CACNB2: variants seen among roughly 807,000 people sequenced by gnomAD.
CACNB2 encodes the protein calcium voltage-gated channel auxiliary subunit beta 2, also known as voltage-dependent L-type calcium channel subunit beta-2.
Under a neutral mutation model 73.3 loss-of-function variants are expected in CACNB2, and 42 were observed. That is an observed-to-expected ratio of 0.57 (90% CI 0.45 to 0.74). The LOEUF (loss-of-function observed/expected upper bound fraction) is 0.74, where lower values mean the gene tolerates loss of function less well. Among genes scored for constraint, CACNB2 ranks in the 30% least tolerant of loss-of-function variants. The pLI is 0.00. For missense variants in CACNB2, 940 were observed against 853.0 expected (o/e 1.10, Z -1.27); for synonymous variants, 348 against 310.3 (o/e 1.12, Z -1.28).
rs115541284 is a variant in CACNB2 at position 18,302,485 on chromosome 10, C to A, written c.214-99439C>A. Among the ~76,000 whole-genome samples the A allele has an allele frequency of 2.3e-3, 346 of 152,120 alleles. 3 individuals carry two copies. The highest frequency in any genetic ancestry group is 8.0e-3 in the African/African-American group (333 of 41,500). On this transcript the variant is annotated intron_variant, in intron 2 of 13. Transcript: ENST00000324631. ...TAAACGAGTGGATAGAGAAACTGTG[C>A]GATATGTACGCAATGGAATACTACT...
chr10:18,426,418 T>C (rs1271119370), intron 3 of CACNB2, among the ~76,000 whole-genome samples: 1 of 152,246 alleles, frequency 6.6e-6, no homozygotes, highest in Admixed American at 6.5e-5. Context: ...AGAAATTCAG[T>C]TGATTTTGTC....
chr10:18,488,242 G>A (rs1227121114), intron 3 of CACNB2, among the ~76,000 whole-genome samples: 1 of 151,282 alleles, frequency 6.6e-6, no homozygotes, highest in Admixed American at 6.6e-5. Flanking sequence ...TTGGGAGGCC[G>A]AGGTGGGCGG....
rs1554791260 is a variant in CACNB2 at position 18,315,528 on chromosome 10, A to AC, written c.214-86395dup. Among the ~76,000 whole-genome samples, 699 of 90,192 alleles carry AC rather than the reference A, an allele frequency of 7.8e-3. 40 individuals are homozygous for AC. Among genetic ancestry groups the AC allele is most frequent in the Admixed American group, 0.045 (322 of 7,118 alleles). 59.2% of individuals were successfully genotyped at this position (90,192 alleles called of 152,430 possible). A position where few individuals can be genotyped will look rare whatever the true frequency, so the allele number is the denominator to read the frequency against. On this transcript the variant is annotated intron_variant, in intron 2 of 13. Transcript: ENST00000324631. ...AAAAAAAAAAAAAAAAAAAAAAAAAACTTTTTTTTTTTTTAATTAGCCAGA... is the reference window on the plus strand; with the variant it reads ...AAAAAAAAAAAAAAAAAAAAAAAAAACCTTTTTTTTTTTTTAATTAGCCAGA...
chr10:18,207,171 A>G (rs2035129755), intron 2 of CACNB2, among the ~76,000 whole-genome samples: 1 of 151,978 alleles, frequency 6.6e-6, no homozygotes, highest in Non-Finnish European at 1.5e-5. Flanking sequence ...ACCACACCTG[A>G]CTAATTTTTG....
chr10:18,419,326 A>C (rs2045189205), intron 3 of CACNB2, among the ~76,000 whole-genome samples: 1 of 142,510 alleles, frequency 7.0e-6, no homozygotes, highest in Non-Finnish European at 1.5e-5. Context: ...GCATACTTGC[A>C]TGGATCCCTG....
rs1200303743 is a variant in CACNB2, at chr10:18,527,559, AG to A, written c.945-27del. 2.1e-6 allele frequency: 3 copies of A among 1,438,096 alleles called. No homozygotes were observed. The African/African-American group carries it at 4.2e-5, about 20-fold the overall frequency. The allele number at this position is 1,438,096 out of a possible 1,614,324, so 89.1% of individuals were successfully genotyped here. A position where few individuals can be genotyped will look rare whatever the true frequency, so the allele number is the denominator to read the frequency against. On this transcript the variant is annotated intron_variant, in intron 9 of 13. Transcript: ENST00000324631. ...CCCTTTGATTAGACCAATAACCTTAAGGTCTTCTGTGACTTTTTCCTCCAAC... is the reference window on the plus strand; with the variant it reads ...CCCTTTGATTAGACCAATAACCTTAAGTCTTCTGTGACTTTTTCCTCCAAC...
intron 2 of CACNB2, among the ~76,000 whole-genome samples, chr10:18,360,226 G>A (rs1009981981): frequency 3.3e-5 from 5 of 152,164 alleles, no homozygotes; most frequent in Non-Finnish European, 4.4e-5. Flanking sequence ...AAAGAGTTCA[G>A]TTTAGGTTTA....
At chr10:18,513,928 AC>A (rs2051022273) in intron 6 of CACNB2, among the ~76,000 whole-genome samples, 1 of 152,388 alleles carries the variant, frequency 6.6e-6, no homozygotes, top group African/African-American at 2.4e-5. Context: ...TACAGTTGAT[AC>A]AGAGAAAATC....
At chr10:18,161,260 T>C (rs1456714572) in intron 2 of CACNB2, among the ~76,000 whole-genome samples, 1 of 152,204 alleles carries the variant, frequency 6.6e-6, no homozygotes, top group African/African-American at 2.4e-5. Flanking sequence ...TTCTAGAAAA[T>C]TATTTTGGCT....
chr10:18,185,786 C>T (rs564804704), intron 2 of CACNB2, among the ~76,000 whole-genome samples: 1 of 151,982 alleles, frequency 6.6e-6, no homozygotes, highest in Non-Finnish European at 1.5e-5. Flanking sequence ...AATATTTATT[C>T]TGTGCCTACC....
intron 2 of CACNB2, among the ~76,000 whole-genome samples, chr10:18,221,845 A>G (rs575899167): frequency 2.6e-5 from 4 of 152,328 alleles, no homozygotes; most frequent in Non-Finnish European, 5.9e-5. Flanking sequence ...AGAATTTTGG[A>G]AGGCATTTTG....
intron 11 of CACNB2, among the ~76,000 whole-genome samples, chr10:18,535,687 G>T (rs955775010): frequency 2.8e-4 from 43 of 151,870 alleles, no homozygotes; most frequent in African/African-American, 9.0e-4. Context: ...GCAGGAGAAT[G>T]GTGTGAACCT....
At chr10:18,328,518 C>T (rs1043879160) in intron 2 of CACNB2, among the ~76,000 whole-genome samples, 1 of 152,176 alleles carries the variant, frequency 6.6e-6, no homozygotes, top group African/African-American at 2.4e-5. Context: ...CACTATTATA[C>T]TTAAGTATAA....
intron 3 of CACNB2, among the ~76,000 whole-genome samples, chr10:18,495,366 T>C (rs147301321): frequency 0.048 from 7,226 of 151,914 alleles, 289 homozygotes; most frequent in African/African-American, 0.11. Context: ...ATTACAGTCA[T>C]GTGCCACCAT....
intron 3 of CACNB2, among the ~76,000 whole-genome samples, chr10:18,425,458 G>A (rs917859038): frequency 3.3e-5 from 5 of 152,262 alleles, no homozygotes; most frequent in African/African-American, 1.2e-4. Flanking sequence ...CTTGAGCTGA[G>A]GAATTTCAAA....
At chr10:18,411,118 TA>T (rs368813801) in intron 3 of CACNB2, among the ~76,000 whole-genome samples, 2,388 of 152,370 alleles carry the variant, frequency 0.016, 67 homozygotes, top group African/African-American at 0.053. Context: ...CTTCTTGCTT[TA>T]AAAAATTGTC....
chr10:18,191,344 C>G (rs550279054), intron 2 of CACNB2, among the ~76,000 whole-genome samples: 1 of 152,180 alleles, frequency 6.6e-6, no homozygotes, highest in Non-Finnish European at 1.5e-5. Flanking sequence ...CCAGCTGCCC[C>G]CCGTGTATTG....
intron 3 of CACNB2, among the ~76,000 whole-genome samples, chr10:18,436,946 T>A (rs2046164400): frequency 6.6e-6 from 1 of 152,222 alleles, no homozygotes; most frequent in African/African-American, 2.4e-5. Context: ...GAAGTACATT[T>A]TCCATTACTT....
At chr10:18,338,738 C>CTT (rs553402190) in intron 2 of CACNB2, among the ~76,000 whole-genome samples, 20,018 of 102,328 alleles carry the variant, frequency 0.2, 2,411 homozygotes, top group Middle Eastern at 0.27. Flanking sequence ...TCCTTCTTTC[C>CTT]TTTTTTTTTT....
Sources: allele counts gnomAD v4.1 joint callset (sites outside exome capture counted in the v4.1 genomes callset), GRCh38; gene constraint gnomAD v4.1.1; transcripts MANE v1.5; gene names NCBI Gene and HGNC (gene_info 2026-07-23, HGNC 2026-07-21).